Variants in WDHD1 observed in about 807,000 individuals in gnomAD.
WDHD1 encodes WD repeat and HMG-box DNA binding protein 1.
In WDHD1, 111 loss-of-function variants were observed where a neutral mutation model predicts 135.4. That is an observed-to-expected ratio of 0.82 (90% confidence interval 0.70 to 0.96). The LOEUF (loss-of-function observed/expected upper bound fraction) is 0.96. Ranked by LOEUF, WDHD1 falls within the 40% of genes least tolerant of loss-of-function variation. The pLI is 0.00. For missense variants in WDHD1, 1,351 were observed against 1,336.3 expected (o/e 1.01, Z -0.17); for synonymous variants, 434 against 439.0 (o/e 0.99, Z 0.14).
chr14:54,990,279 T>C (rs1483594173), intron 12 of WDHD1, among the ~76,000 whole-genome samples: 1 of 152,160 alleles, frequency 6.6e-6, no homozygotes, highest in South Asian at 2.1e-4. Context: ...AAACATCATA[T>C]AACCAACACA....
In WDHD1 at chr14:54,987,406, C is replaced by G; in HGVS notation, c.1527-19G>C. ...AAGCTTGCTAAAAATTAAAACAAGA[C>G]AGAAACAATCAAACTTTCATATGAT... On this transcript the variant is annotated intron_variant, in intron 13 of 25. Transcript: ENST00000360586. The G allele has an allele frequency of 6.4e-7, 1 of 1,553,660 alleles. No homozygotes were observed. The highest frequency in any genetic ancestry group is 8.7e-7 in the Non-Finnish European group (1 of 1,145,294).
intron 24 of WDHD1, among the ~76,000 whole-genome samples, chr14:54,950,058 A>G (rs2041015198): frequency 6.6e-6 from 1 of 152,242 alleles, no homozygotes; most frequent in Non-Finnish European, 1.5e-5. Context: ...TGTAAAGACC[A>G]TCAAGGCTAG....
chr14:54,952,672 C>G (rs947972473), intron 24 of WDHD1, among the ~76,000 whole-genome samples: 1 of 152,138 alleles, frequency 6.6e-6, no homozygotes, highest in African/African-American at 2.4e-5. Flanking sequence ...CAAAAAAGAG[C>G]CCGCATTGCC....
rs1278421003 is a variant in WDHD1 at position 54,980,553 on chromosome 14, T to G, written c.2063+987A>C. Among the ~76,000 whole-genome samples, 3 of 151,966 alleles carry G rather than the reference T, an allele frequency of 2.0e-5. No homozygotes were observed. The East Asian group carries it at 5.8e-4, about 29-fold the overall frequency. ...AGGACCAGGTACGGTGGCTCATGCC[T>G]GTACTTTGGGTGGATCACTTGAGGT... On this transcript the variant is annotated intron_variant, in intron 16 of 25. Transcript: ENST00000360586.
At chr14:55,019,257 T>C (rs1202934133) in intron 2 of WDHD1, among the ~76,000 whole-genome samples, 1 of 152,228 alleles carries the variant, frequency 6.6e-6, no homozygotes, top group Non-Finnish European at 1.5e-5. Flanking sequence ...TGTTAACATT[T>C]AGATCATATG....
rs553658027 is a variant in WDHD1, at chr14:54,989,187, C to T, written c.1367G>A (p.Arg456His). ...FMVWNSIGII[R>H]CYNDEQDNAI... ...ATTGTCTTGCTCATCATTATAGCAG[C>T]GAATAATTCCAATAGAGTTCCACAC... The change falls in exon 13 of 26, where the codon CGC (arginine) becomes CAC (histidine). Residue 456 changes from arginine to histidine, a missense_variant. Arg to His is a conservative substitution (Grantham distance 29). This residue lies in a region of WDHD1 where 1,330 missense variants were observed against 1,296.1 expected (regional missense o/e 1.03). Transcript: ENST00000360586. 11 of 1,612,192 alleles carry T rather than the reference C, an allele frequency of 6.8e-6. No individual in the cohort carries two copies. The highest frequency in any genetic ancestry group is 4.5e-5 in the East Asian group (2 of 44,770).
intron 16 of WDHD1, among the ~76,000 whole-genome samples, chr14:54,977,103 T>TAAATAGATG (rs1403957930): frequency 6.6e-6 from 1 of 151,898 alleles, no homozygotes; most frequent in African/African-American, 2.4e-5. Flanking sequence ...TTTTTGCCAA[T>TAAATAGATG]AAATAGATGT....
chr14:54,952,642 C>T (rs886887996), intron 24 of WDHD1, among the ~76,000 whole-genome samples: 3 of 152,170 alleles, frequency 2.0e-5, no homozygotes, highest in African/African-American at 4.8e-5. Context: ...GAAAAAACTA[C>T]TTTAAAGTTC....
At chr14:55,014,292 G>A (rs937763652) in intron 2 of WDHD1, among the ~76,000 whole-genome samples, 2 of 152,250 alleles carry the variant, frequency 1.3e-5, no homozygotes, top group East Asian at 1.9e-4. Flanking sequence ...GTGTCCCTAC[G>A]TTGCCCAGGC....
chr14:55,013,698 G>A, intron 2 of WDHD1, 102 bp from the exon 3 acceptor site: 2 of 867,786 alleles, frequency 2.3e-6, no homozygotes, highest in Middle Eastern at 2.3e-4. Flanking sequence ...TTGAGGCCAG[G>A]AGTTCAAGAC....
intron 10 of WDHD1, among the ~76,000 whole-genome samples, chr14:54,998,055 T>C (rs1193182020): frequency 6.7e-6 from 1 of 149,996 alleles, no homozygotes; most frequent in African/African-American, 2.5e-5. Context: ...CTACTAAAAA[T>C]ACAAAAAATT....
chr14:54,975,629 G>C (rs182385470), intron 16 of WDHD1, among the ~76,000 whole-genome samples: 28 of 152,192 alleles, frequency 1.8e-4, no homozygotes, highest in African/African-American at 6.3e-4. Flanking sequence ...GATTACAGGC[G>C]TGAGCCACTG....
At chr14:55,015,738 G>A (rs138294746) in intron 2 of WDHD1, among the ~76,000 whole-genome samples, 1 of 148,602 alleles carries the variant, frequency 6.7e-6, no homozygotes, top group Non-Finnish European at 1.5e-5. Context: ...TCACTCTGTC[G>A]CCCAGGCTGA....
chr14:55,007,207 GAC>G lies in WDHD1; in HGVS notation c.600+71_600+72del, dbSNP rs1400692110. 2.0e-5 allele frequency: 24 copies of G among 1,190,450 alleles called. No homozygotes were observed. The East Asian group carries it at 6.4e-4, about 32-fold the overall frequency. The allele number at this position is 1,190,450 out of a possible 1,614,324, so 73.7% of individuals were successfully genotyped here. A position where few individuals can be genotyped will look rare whatever the true frequency, so the allele number is the denominator to read the frequency against. On this transcript the variant is annotated intron_variant, in intron 7 of 25. Transcript: ENST00000360586. ...TGCACCACTGCACTCCAGCATGGGA[GAC>G]AGAGTGAGACTCCATCTCTAATAAA...
chr14:54,968,133 A>T lies in WDHD1; in HGVS notation c.2064-739T>A, dbSNP rs184505564. 5.4e-3 allele frequency among the ~76,000 whole-genome samples: 815 copies of T among 152,204 alleles called. 6 individuals carry two copies. The highest frequency in any genetic ancestry group is 0.018 in the African/African-American group (767 of 41,518). On this transcript the variant is annotated intron_variant, in intron 16 of 25. Transcript: ENST00000360586. ...CTTGGCCGTAAAGCAAGTCTCAAAA[A>T]TTTTTTTTAAATTGAAATCATACCA...
intron 24 of WDHD1, among the ~76,000 whole-genome samples, chr14:54,948,887 G>C (rs1011382037): frequency 2.6e-5 from 4 of 152,092 alleles, no homozygotes; most frequent in African/African-American, 9.7e-5. Flanking sequence ...TGATACCCAG[G>C]CAGAGTCTGG....
chr14:55,017,220 T>A (rs1164141710), intron 2 of WDHD1, among the ~76,000 whole-genome samples: 1 of 152,234 alleles, frequency 6.6e-6, no homozygotes, highest in Non-Finnish European at 1.5e-5. Flanking sequence ...CGTTCAGCAG[T>A]CCTGCGAAAG....
chr14:54,976,380 C>T (rs928098554), intron 16 of WDHD1, among the ~76,000 whole-genome samples: 2 of 152,000 alleles, frequency 1.3e-5, no homozygotes. Context: ...TACCACCATG[C>T]CTGGCAGGGT....
intron 18 of WDHD1, among the ~76,000 whole-genome samples, chr14:54,966,199 G>T (rs1009756441): frequency 3.4e-5 from 5 of 149,012 alleles, no homozygotes; most frequent in African/African-American, 1.2e-4. Flanking sequence ...TTAGCTAGGC[G>T]TGGTGGTGTG....
Sources: allele counts gnomAD v4.1 joint callset (sites outside exome capture counted in the v4.1 genomes callset), GRCh38; gene constraint gnomAD v4.1.1; regional missense constraint gnomAD v4.1.1; transcripts MANE v1.5; gene names NCBI Gene and HGNC (gene_info 2026-07-23, HGNC 2026-07-21).